Variants in LY86 observed in about 807,000 individuals in gnomAD.
LY86 encodes MD-1, RP105-associated.
In LY86, 20 loss-of-function variants were observed where a neutral mutation model predicts 17.3. The observed-to-expected ratio is 1.15, with a 90% CI of 0.81 to 1.68. The LOEUF (loss-of-function observed/expected upper bound fraction) is 1.68. Among genes scored for constraint, LY86 ranks in the 40% most tolerant of loss-of-function variants. The pLI, the probability that LY86 is intolerant of heterozygous loss-of-function variation, is 0.00. For missense variants in LY86, 200 were observed against 191.9 expected, an observed-to-expected ratio of 1.04 and a Z score of -0.25; for synonymous variants, 74 against 70.6, an observed-to-expected ratio of 1.05 and a Z score of -0.24.
intron 1 of LY86, among the ~76,000 whole-genome samples, chr6:6,614,149 T>A (rs934939925): frequency 6.6e-6 from 1 of 152,096 alleles, no homozygotes; most frequent in Non-Finnish European, 1.5e-5. Flanking sequence ...TCTCCAAAAG[T>A]CACGGTGGCT....
intron 1 of LY86, among the ~76,000 whole-genome samples, chr6:6,605,597 C>T (rs964495523): frequency 2.6e-5 from 4 of 152,292 alleles, no homozygotes; most frequent in Non-Finnish European, 4.4e-5. Flanking sequence ...GTCATAGTCT[C>T]ATGACATTGC....
chr6:6,632,039 C>A (rs1761905380), intron 3 of LY86, among the ~76,000 whole-genome samples: 1 of 152,162 alleles, frequency 6.6e-6, no homozygotes, highest in East Asian at 1.9e-4. Flanking sequence ...GGCTCTTAGC[C>A]AGAGTTACTG....
intron 3 of LY86, among the ~76,000 whole-genome samples, chr6:6,641,675 T>C (rs73718620): frequency 0.046 from 6,994 of 152,240 alleles, 456 homozygotes; most frequent in East Asian, 0.21. Context: ...GGTGCAAACG[T>C]ACCAGCAGCC....
At chr6:6,595,456 G>C (rs1021915058) in intron 1 of LY86, among the ~76,000 whole-genome samples, 8 of 151,802 alleles carry the variant, frequency 5.3e-5, no homozygotes, top group African/African-American at 1.9e-4. Flanking sequence ...GGAAAAAGAA[G>C]AGAGGGAGAG....
At chr6:6,605,693 A>C (rs1410543757) in intron 1 of LY86, among the ~76,000 whole-genome samples, 1 of 152,180 alleles carries the variant, frequency 6.6e-6, no homozygotes, top group Non-Finnish European at 1.5e-5. Flanking sequence ...CACGGACTTA[A>C]AGAATGAAGC....
intron 1 of LY86, among the ~76,000 whole-genome samples, chr6:6,589,630 C>A (rs1410774930): frequency 6.6e-6 from 1 of 152,168 alleles, no homozygotes; most frequent in Non-Finnish European, 1.5e-5. Context: ...GATTTATTTC[C>A]TCACAGCTCT....
chr6:6,616,482 G>A (rs565693165), intron 1 of LY86, among the ~76,000 whole-genome samples: 127 of 152,280 alleles, frequency 8.3e-4, no homozygotes, highest in African/African-American at 2.8e-3. Flanking sequence ...AGCAAACAGG[G>A]ATGTTACTAA....
intron 1 of LY86, among the ~76,000 whole-genome samples, chr6:6,603,676 A>C (rs373583836): frequency 1.3e-5 from 2 of 151,102 alleles, no homozygotes; most frequent in East Asian, 3.9e-4. Flanking sequence ...CCAACAGTGA[A>C]GTTGTGTCTA....
intron 1 of LY86, among the ~76,000 whole-genome samples, chr6:6,606,035 C>T (rs576304837): frequency 9.2e-5 from 14 of 152,300 alleles, no homozygotes; most frequent in South Asian, 2.1e-4. Context: ...GCACGTAATA[C>T]TACTCAAGCA....
intron 1 of LY86, among the ~76,000 whole-genome samples, chr6:6,615,106 T>C (rs549204968): frequency 6.6e-6 from 1 of 152,306 alleles, no homozygotes; most frequent in South Asian, 2.1e-4. Context: ...TTTAAGATCA[T>C]ATATCAGGAA....
chr6:6,653,117 C>T (rs1399376769), intron 4 of LY86, among the ~76,000 whole-genome samples: 4 of 152,236 alleles, frequency 2.6e-5, no homozygotes, highest in South Asian at 2.1e-4. Flanking sequence ...CTCATGGGAG[C>T]GTCTAGAATC....
intron 1 of LY86, among the ~76,000 whole-genome samples, 161 bp from the exon 2 acceptor site, chr6:6,624,765 G>T (rs138072232): frequency 8.1e-4 from 124 of 152,296 alleles, no homozygotes; most frequent in African/African-American, 2.7e-3. Flanking sequence ...ACACGGGGGG[G>T]AGCTGATGAA....
chr6:6,624,877 C>A, intron 1 of LY86, 49 bp from the exon 2 acceptor site: 1 of 850,434 alleles, frequency 1.2e-6, no homozygotes, highest in Non-Finnish European at 1.9e-6. Context: ...AATATGTTTG[C>A]AAAATATACG....
chr6:6,612,723 G>A (rs192654258), intron 1 of LY86, among the ~76,000 whole-genome samples: 1 of 152,294 alleles, frequency 6.6e-6, no homozygotes, highest in East Asian at 1.9e-4. Flanking sequence ...CCCTGAGCTA[G>A]ATGCAAAAGT....
intron 1 of LY86, among the ~76,000 whole-genome samples, chr6:6,612,222 C>T (rs147613765): frequency 2.0e-5 from 3 of 152,212 alleles, no homozygotes; most frequent in Admixed American, 6.5e-5. Context: ...CAGTTAAGTT[C>T]TTCAAGAGGG....
At chr6:6,601,397 T>G (rs573439813) in intron 1 of LY86, among the ~76,000 whole-genome samples, 15 of 143,868 alleles carry the variant, frequency 1.0e-4, no homozygotes, top group Non-Finnish European at 3.1e-5. Context: ...ATGAAGAGGG[T>G]AAGCTGCAAT....
chr6:6,592,176 G>C (rs1435529635), intron 1 of LY86, among the ~76,000 whole-genome samples: 2 of 152,218 alleles, frequency 1.3e-5, no homozygotes, highest in Non-Finnish European at 2.9e-5. Context: ...TTGAGGAGAA[G>C]GGAAACTTCA....
chr6:6,599,764 T>A (rs1760840195), intron 1 of LY86, among the ~76,000 whole-genome samples: 1 of 152,168 alleles, frequency 6.6e-6, no homozygotes, highest in Non-Finnish European at 1.5e-5. Context: ...CCTCCTTGTT[T>A]AGAAAAGGAA....
At chr6:6,628,127 G>A (rs946222172) in intron 3 of LY86, among the ~76,000 whole-genome samples, 1 of 151,576 alleles carries the variant, frequency 6.6e-6, no homozygotes, top group East Asian at 1.9e-4. Flanking sequence ...AATCAAGTAC[G>A]TTCATGCATT....
Sources: gnomAD v4.1 joint callset for allele counts (sites outside exome capture counted in the v4.1 genomes callset) on GRCh38, gnomAD v4.1.1 for gene constraint, MANE v1.5 for transcripts, NCBI Gene and HGNC (gene_info 2026-07-23, HGNC 2026-07-21) for gene names.